Variants in SLC18A2 observed in about 807,000 individuals in gnomAD.
SLC18A2 encodes the protein synaptic vesicular amine transporter.
SLC18A2 carries 33 observed loss-of-function variants against 59.2 expected under a neutral mutation model. The ratio of observed to expected loss-of-function variants is 0.56; its 90% CI spans 0.42 to 0.75. The LOEUF is 0.75. Ranked by LOEUF, SLC18A2 falls within the 30% of genes least tolerant of loss-of-function variation. SLC18A2 has a pLI of 0.00. For missense variants in SLC18A2, 569 were observed against 668.6 expected (o/e 0.85, Z 1.64); for synonymous variants, 228 against 253.5 (o/e 0.90, Z 0.95).
chr10:117,249,321 G>A (rs926876385), intron 3 of SLC18A2, among the ~76,000 whole-genome samples: 22 of 152,356 alleles, frequency 1.4e-4, no homozygotes, highest in South Asian at 4.1e-4. Context: ...CAGGGCTCAC[G>A]CCCAGGAAAG....
chr10:117,254,362 G>C (rs1844201666), intron 5 of SLC18A2, 43 bp from the exon 6 acceptor site: 1 of 1,499,064 alleles, frequency 6.7e-7, no homozygotes, highest in Non-Finnish European at 9.1e-7. Context: ...TTCTTTTGCT[G>C]TTCCCCGGAG....
chr10:117,253,707 G>A (rs957380718), intron 4 of SLC18A2, among the ~76,000 whole-genome samples: 2 of 152,146 alleles, frequency 1.3e-5, no homozygotes, highest in African/African-American at 4.8e-5. Context: ...GTAGCCAGGT[G>A]TGGTGGCATG....
intron 10 of SLC18A2, 95 bp downstream of exon 10, chr10:117,257,987 A>G: frequency 1.3e-6 from 1 of 759,046 alleles, no homozygotes; most frequent in Non-Finnish European, 2.1e-6. Flanking sequence ...CCTTATGGGG[A>G]TGATAAAGTG....
intron 13 of SLC18A2, 175 bp downstream of exon 13, chr10:117,267,911 C>G: frequency 2.1e-6 from 1 of 486,500 alleles, no homozygotes; most frequent in Non-Finnish European, 3.8e-6. Flanking sequence ...ACACCTGCTT[C>G]TATGCACTAG....
chr10:117,270,936 T>C (rs1385410353), intron 15 of SLC18A2, among the ~76,000 whole-genome samples: 2 of 152,258 alleles, frequency 1.3e-5, no homozygotes, highest in African/African-American at 2.4e-5. Flanking sequence ...GGAAAAATCA[T>C]TGTATATGGA....
chr10:117,255,294 A>G lies in SLC18A2; in HGVS notation c.718A>G (p.Ser240Gly). Reference sequence around the variant, plus strand: ...CCCTGCAGTGGGCCCCCCCTTCGGGAGTGTGCTCTATGAGTTTGTGGGGAA... The same window carrying G: ...CCCTGCAGTGGGCCCCCCCTTCGGGGGTGTGCTCTATGAGTTTGTGGGGAA... ...MGVLVGPPFG[S>G]VLYEFVGKTA... The change falls in exon 7 of 16, where the codon AGT becomes GGT. Residue 240 changes from serine (S) to glycine (G), a missense_variant. Ser to Gly is a moderately conservative substitution (Grantham distance 56). This residue lies in a region of SLC18A2 where 377 missense variants were observed against 389.8 expected (regional missense o/e 0.97). Transcript: ENST00000644641. 1 of 1,613,956 alleles carries G rather than the reference A, an allele frequency of 6.2e-7. No individual in the cohort carries two copies. Among genetic ancestry groups the G allele is most frequent in the Non-Finnish European group, 8.5e-7 (1 of 1,179,996 alleles).
At chr10:117,258,584 T>G (rs1178974123) in intron 10 of SLC18A2, among the ~76,000 whole-genome samples, 1 of 148,406 alleles carries the variant, frequency 6.7e-6, no homozygotes, top group Non-Finnish European at 1.5e-5. Context: ...TTTTTTTTTA[T>G]CAAAGTTACA....
At chr10:117,261,771 A>G (rs1228745309) in intron 10 of SLC18A2, among the ~76,000 whole-genome samples, 2 of 152,190 alleles carry the variant, frequency 1.3e-5, no homozygotes, top group Non-Finnish European at 2.9e-5. Flanking sequence ...GAGAGGGGGT[A>G]AGGATGGAGA....
intron 10 of SLC18A2, 98 bp from the exon 11 acceptor site, chr10:117,266,631 TTTTA>T: frequency 1.1e-6 from 1 of 943,026 alleles, no homozygotes; most frequent in Non-Finnish European, 1.6e-6. Context: ...CGGGGCTTCG[TTTTA>T]TCTGCTCTCA....
Position 117,244,089 on chromosome 10 carries a change from C to T in SLC18A2, c.240C>T (p.Ser80=), listed in dbSNP as rs1844083086. The T allele has an allele frequency of 6.2e-7, 1 of 1,614,078 alleles. No homozygotes were observed. The highest frequency in any genetic ancestry group is 1.3e-5 in the African/African-American group (1 of 74,926). ...CAGACAGCTTCCAGAGCATCTTCTC[C>T]TATTATGATAACTCGACTATGGTCA... ...SISDSFQSIF[S]YYDNSTMVTG... Residue 80 remains serine, a synonymous_variant, in exon 3 of 16, where the codon TCC becomes TCT. Transcript: ENST00000644641.
chr10:117,250,095 G>A (rs529227499), intron 3 of SLC18A2, among the ~76,000 whole-genome samples: 5 of 152,328 alleles, frequency 3.3e-5, no homozygotes, highest in African/African-American at 1.2e-4. Flanking sequence ...AGGGACGCTG[G>A]ACGACTCTCC....
Position 117,269,166 on chromosome 10 carries a change from CACATACATAT to C in SLC18A2, c.1187-901_1187-892del, listed in dbSNP as rs1844391583. ...ACCCACATACATATGCACACATACA[CACATACATAT>C]ACACACATACACACACACCTACACA... On this transcript the variant is annotated intron_variant, in intron 13 of 15. Coordinates refer to ENST00000644641, the MANE Select transcript of SLC18A2 (RefSeq NM_003054.6). This position sits in a 1 kb window ranked among gnomAD's most constrained non-coding sequence, Gnocchi z 5.1. 6.6e-6 allele frequency among the ~76,000 whole-genome samples: 1 copy of C among 150,712 alleles called. No individual in the cohort carries two copies. The highest frequency in any genetic ancestry group is 1.5e-5 in the Non-Finnish European group (1 of 67,672).
intron 13 of SLC18A2, among the ~76,000 whole-genome samples, chr10:117,268,874 T>C (rs929187978): frequency 6.6e-6 from 1 of 151,824 alleles, no homozygotes; most frequent in Non-Finnish European, 1.5e-5. Flanking sequence ...GTGTGTGTTG[T>C]GTGTATGAGT....
chr10:117,260,653 T>C (rs1164128508), intron 10 of SLC18A2, among the ~76,000 whole-genome samples: 1 of 152,248 alleles, frequency 6.6e-6, no homozygotes, highest in Non-Finnish European at 1.5e-5. Flanking sequence ...CATATTGTTT[T>C]ATTGTTAAAA....
chr10:117,251,074 A>G (rs936370042), intron 3 of SLC18A2, among the ~76,000 whole-genome samples: 2 of 152,240 alleles, frequency 1.3e-5, no homozygotes, highest in Non-Finnish European at 2.9e-5. Flanking sequence ...GTTCCATATT[A>G]GAGCCTTATA....
intron 5 of SLC18A2, 100 bp downstream of exon 5, chr10:117,254,231 G>A (rs1020258510): frequency 1.5e-6 from 2 of 1,314,512 alleles, no homozygotes; most frequent in Middle Eastern, 1.8e-4. Context: ...GGGGTGCTGG[G>A]GATTCTTGGA....
At chr10:117,241,919 G>A in intron 2 of SLC18A2, 105 bp downstream of exon 2, 2 of 1,163,996 alleles carry the variant, frequency 1.7e-6, no homozygotes, top group Non-Finnish European at 2.3e-6. Context: ...CAAGGCCCGG[G>A]AAAGTTGGAG....
At position 117,269,938 on chromosome 10, in the gene SLC18A2, C is replaced by T. The variant is rs1844404895; in HGVS notation, c.1187-133C>T. ...TTCTACTCAAAGATTAGTATCACCC[C>T]AAGACTTGCAGGTGGTGATGACAGA... On this transcript the variant is annotated intron_variant, in intron 13 of 15. Coordinates refer to ENST00000644641, the MANE Select transcript of SLC18A2 (RefSeq NM_003054.6). This position sits in a 1 kb window ranked among gnomAD's most constrained non-coding sequence, Gnocchi z 5.1. 1.9e-6 allele frequency: 2 copies of T among 1,077,412 alleles called. No homozygotes were observed. Among genetic ancestry groups the T allele is most frequent in the Non-Finnish European group, 2.7e-6 (2 of 740,942 alleles). The allele number at this position is 1,077,412 out of a possible 1,614,324, so 66.7% of individuals were successfully genotyped here. A position where few individuals can be genotyped will look rare whatever the true frequency, so the allele number is the denominator to read the frequency against.
At chr10:117,273,202 T>C (rs1844446395) in intron 15 of SLC18A2, among the ~76,000 whole-genome samples, 1 of 152,250 alleles carries the variant, frequency 6.6e-6, no homozygotes. Context: ...ACTGGATTTC[T>C]GTTTTTTATA....
Sources: allele counts gnomAD v4.1 joint callset (sites outside exome capture counted in the v4.1 genomes callset), GRCh38; gene constraint gnomAD v4.1.1; regional missense constraint gnomAD v4.1.1; non-coding constraint Gnocchi (gnomAD v3.1); transcripts MANE v1.5; gene names NCBI Gene and HGNC (gene_info 2026-07-23, HGNC 2026-07-21).